The following MIB1 variants were observed in gnomAD, a reference collection of about 807,000 sequenced individuals.
The protein encoded by MIB1 is E3 ubiquitin-protein ligase MIB1.
In MIB1, 278 loss-of-function variants were observed where a neutral mutation model predicts 124.5. The observed-to-expected ratio is 2.23, with a 90% CI of 2.02 to 2.47. The LOEUF (loss-of-function observed/expected upper bound fraction) is 2.47. MIB1 is among the 30% of genes most tolerant of loss of function. The pLI, the probability that MIB1 is intolerant of heterozygous loss-of-function variation, is 0.00. For synonymous variants in MIB1, 446 were observed against 429.4 expected (o/e 1.04, Z -0.48); for missense variants, 957 against 1,254.4 (o/e 0.76, Z 3.58).
At chr18:21,812,447 T>C (rs983503247) in intron 10 of MIB1, 1 of 151,864 alleles carries the variant, frequency 6.6e-6, no homozygotes, top group East Asian at 1.9e-4. Flanking sequence ...TGAAGGGAGG[T>C]TGAGTTGTGG....
chr18:21,789,275 C>T (rs530893611), intron 6 of MIB1, among the ~76,000 whole-genome samples: 5 of 151,820 alleles, frequency 3.3e-5, no homozygotes, highest in African/African-American at 1.2e-4. Context: ...TTCACATGAC[C>T]TTTTTCCCTG....
intron 1 of MIB1, among the ~76,000 whole-genome samples, chr18:21,753,911 C>G (rs969930557): frequency 4.6e-5 from 7 of 152,228 alleles, no homozygotes; most frequent in Non-Finnish European, 1.0e-4. Context: ...CTCCTGACCT[C>G]AGGTGATCCA....
At chr18:21,775,488 C>T (rs2041274245) in intron 4 of MIB1, among the ~76,000 whole-genome samples, 1 of 152,206 alleles carries the variant, frequency 6.6e-6, no homozygotes, top group South Asian at 2.1e-4. Context: ...AGCGATCCCC[C>T]ACCTTGGCCT....
At chr18:21,842,962 T>G (rs1008221030) in intron 13 of MIB1, among the ~76,000 whole-genome samples, 169 bp from the exon 14 acceptor site, 1 of 152,248 alleles carries the variant, frequency 6.6e-6, no homozygotes, top group South Asian at 2.1e-4. Flanking sequence ...CCATCCATTT[T>G]TTTCTACTTT....
At chr18:21,724,180 G>A (rs2040727229) in intron 1 of MIB1, 2 of 152,638 alleles carry the variant, frequency 1.3e-5, no homozygotes, top group African/African-American at 4.8e-5. Flanking sequence ...GGAAGAAACA[G>A]ATTTCTTTGT....
intron 18 of MIB1, among the ~76,000 whole-genome samples, chr18:21,854,008 G>A (rs1392029518): frequency 1.0e-4 from 4 of 39,946 alleles, no homozygotes; most frequent in East Asian, 8.1e-4. Context: ...CTGAGACTCA[G>A]TCTTAAAAAA....
At chr18:21,726,467 A>T (rs113263506) in intron 1 of MIB1, among the ~76,000 whole-genome samples, 2 of 152,320 alleles carry the variant, frequency 1.3e-5, no homozygotes, top group African/African-American at 4.8e-5. Context: ...CCTGCATTAG[A>T]TAAAACACTA....
intron 8 of MIB1, among the ~76,000 whole-genome samples, chr18:21,798,536 C>T (rs537075750): frequency 1.3e-5 from 2 of 152,276 alleles, no homozygotes; most frequent in East Asian, 3.9e-4. Context: ...CAGAATTCTA[C>T]TCTTTAGTCA....
At position 21,741,520 on chromosome 18, in the gene MIB1, G is replaced by T. The variant is rs887783391; in HGVS notation, c.-64G>T. 54 of 1,174,560 alleles carry T rather than the reference G, an allele frequency of 4.6e-5. No individual in the cohort carries two copies. The highest frequency in any genetic ancestry group is 5.7e-5 in the Non-Finnish European group (53 of 932,694). The allele number at this position is 1,174,560 out of a possible 1,614,324, so 72.8% of individuals were successfully genotyped here. ...TCCGGCCCGGGCCCAACTCCCTCAC[G>T]GGCCCCCCGGCGGCAGCGGCGGCGG... On this transcript the variant is annotated 5_prime_UTR_variant, in exon 1 of 21. Coordinates refer to ENST00000261537, the MANE Select transcript of MIB1 (RefSeq NM_020774.4). This position sits in a 1 kb window ranked among gnomAD's most constrained non-coding sequence, Gnocchi z 5.4.
chr18:21,764,939 A>C (rs2041139963), intron 1 of MIB1, among the ~76,000 whole-genome samples: 1 of 152,182 alleles, frequency 6.6e-6, no homozygotes, highest in Non-Finnish European at 1.5e-5. Flanking sequence ...TAAAGTAGTG[A>C]CACTGATGTT....
At chr18:21,772,138 T>C (rs75584356) in intron 3 of MIB1, among the ~76,000 whole-genome samples, 4,379 of 152,314 alleles carry the variant, frequency 0.029, 95 homozygotes, top group East Asian at 0.07. Flanking sequence ...TCCACAAATA[T>C]ATCATAAAAT....
chr18:21,832,648 A>G (rs2041994543), intron 12 of MIB1, among the ~76,000 whole-genome samples: 3 of 152,220 alleles, frequency 2.0e-5, no homozygotes, highest in African/African-American at 7.2e-5. Context: ...TTACTCACCT[A>G]CGGAAGTTTG....
In MIB1 at chr18:21,741,848, CGG is replaced by C; in HGVS notation, c.229+41_229+42del. 1 of 1,520,152 alleles carries C rather than the reference CGG, an allele frequency of 6.6e-7. No homozygotes were observed. The highest frequency in any genetic ancestry group is 8.9e-7 in the Non-Finnish European group (1 of 1,129,010). 94.2% of individuals were successfully genotyped at this position (1,520,152 alleles called of 1,614,324 possible). A position where few individuals can be genotyped will look rare whatever the true frequency, so the allele number is the denominator to read the frequency against. ...GCCACCTGGCCAGGGCTTGCGCGCGCGGGGGGAAGGGGCGAGCTGCGGTGGGC... is the reference window on the plus strand; with the variant it reads ...GCCACCTGGCCAGGGCTTGCGCGCGCGGGGAAGGGGCGAGCTGCGGTGGGC... On this transcript the variant is annotated intron_variant, in intron 1 of 20. Coordinates refer to ENST00000261537, the MANE Select transcript of MIB1 (RefSeq NM_020774.4). The surrounding 1 kb of genome is among the most constrained non-coding windows in gnomAD (Gnocchi z 5.4).
At chr18:21,733,404 C>T (rs2040781485) in intron 1 of MIB1, among the ~76,000 whole-genome samples, 1 of 152,140 alleles carries the variant, frequency 6.6e-6, no homozygotes, top group South Asian at 2.1e-4. Flanking sequence ...TGGCTACCGG[C>T]GTGTGTACCC....
chr18:21,807,676 G>A (rs2041723971), intron 10 of MIB1, among the ~76,000 whole-genome samples: 1 of 152,162 alleles, frequency 6.6e-6, no homozygotes, highest in South Asian at 2.1e-4. Flanking sequence ...GGATGCTACT[G>A]AATGTCCTAC....
chr18:21,832,159 T>A (rs917014530), intron 12 of MIB1, among the ~76,000 whole-genome samples: 18 of 152,082 alleles, frequency 1.2e-4, no homozygotes, highest in African/African-American at 3.6e-4. Flanking sequence ...TTTCAGTTAA[T>A]TTTTTTTATA....
intron 1 of MIB1, chr18:21,724,227 TA>T (rs901256840): frequency 4.6e-5 from 7 of 151,768 alleles, no homozygotes; most frequent in Middle Eastern, 3.4e-3. Context: ...TGACTAACCT[TA>T]AAAAAAAATT....
At chr18:21,774,968 C>T (rs1038116021) in intron 4 of MIB1, among the ~76,000 whole-genome samples, 52 of 101,960 alleles carry the variant, frequency 5.1e-4, no homozygotes, top group African/African-American at 2.9e-3. Context: ...TTTTTTGAGA[C>T]ACAGTCTCGC....
intron 1 of MIB1, among the ~76,000 whole-genome samples, chr18:21,743,203 C>G (rs556108489): frequency 5.8e-4 from 88 of 152,318 alleles, no homozygotes; most frequent in Non-Finnish European, 1.0e-3. Flanking sequence ...TTGCAGAATA[C>G]TCTATTGCAT....
Sources: gnomAD v4.1 joint callset for allele counts (sites outside exome capture counted in the v4.1 genomes callset) on GRCh38, gnomAD v4.1.1 for gene constraint, Gnocchi (gnomAD v3.1) non-coding constraint, MANE v1.5 for transcripts, NCBI Gene and HGNC (gene_info 2026-07-23, HGNC 2026-07-21) for gene names.